The following DNM3 variants were observed in gnomAD, a reference collection of about 807,000 sequenced individuals.
The protein encoded by DNM3 is dynamin-3.
A neutral mutation model predicts 101.6 loss-of-function variants in DNM3; 47 were observed. The observed-to-expected ratio is 0.46, with a 90% CI of 0.37 to 0.59. DNM3 has a LOEUF of 0.59. Among genes scored for constraint, DNM3 ranks in the 20% least tolerant of loss-of-function variants. The pLI is 0.00. For missense variants in DNM3, 849 were observed against 1,085.7 expected, an observed-to-expected ratio of 0.78 and a Z score of 3.06; for synonymous variants, 385 against 387.9, an observed-to-expected ratio of 0.99 and a Z score of 0.09.
rs546138920 is a variant in DNM3, at chr1:172,364,770, C to T, written c.1894-14248C>T. 1.6e-4 allele frequency among the ~76,000 whole-genome samples: 24 copies of T among 151,926 alleles called. 1 individual carries two copies. Among genetic ancestry groups the T allele is most frequent in the African/African-American group, 3.9e-4 (16 of 41,500 alleles). ...CAGCATCATCTCCCCTTGGTACTGTCCTAGTGACAGTGAGTGAGTTCTTAT... is the reference window on the plus strand; with the variant it reads ...CAGCATCATCTCCCCTTGGTACTGTTCTAGTGACAGTGAGTGAGTTCTTAT... On this transcript the variant is annotated intron_variant, in intron 17 of 20. Transcript: ENST00000627582.
Position 172,408,369 on chromosome 1 carries a change from A to T in DNM3, c.*528A>T. On this transcript the variant is annotated 3_prime_UTR_variant, in exon 21 of 21. Transcript: ENST00000627582. ...TAAGACTGCTAGGAAGTGATTTTTTAAAATTAGGACTCCTTAAGAATAAAC... is the reference window on the plus strand; with the variant it reads ...TAAGACTGCTAGGAAGTGATTTTTTTAAATTAGGACTCCTTAAGAATAAAC... 1.0e-6 allele frequency: 1 copy of T among 986,368 alleles called. No homozygotes were observed. Among genetic ancestry groups the T allele is most frequent in the South Asian group, 4.7e-5 (1 of 21,346 alleles). 61.1% of individuals were successfully genotyped at this position (986,368 alleles called of 1,614,324 possible).
In DNM3 at chr1:172,388,802, G is replaced by A. The variant is rs1374260163; in HGVS notation, c.2515G>A (p.Val839Ile). Residue 839 changes from valine (V) to isoleucine (I), a missense_variant, in exon 20 of 21, where the codon GTC becomes ATC. Physicochemically the swap from Val to Ile is conservative, Grantham distance 29. This residue lies in a region of DNM3 where 256 missense variants were observed against 311.7 expected (regional missense o/e 0.82). Coordinates refer to ENST00000627582, the MANE Select transcript of DNM3 (RefSeq NM_015569.5). ...TAGGCCTACGAGGGCCCCGCCCAGT[G>A]TCCCAAGGTAAGGCATGGAGCAGAA... ...PSRPTRAPPS[V>I]PSRRPPPSPT... The A allele has an allele frequency of 6.3e-7, 1 of 1,578,834 alleles. No individual in the cohort carries two copies.
At chr1:172,159,395 C>T (rs1194205262) in intron 14 of DNM3, among the ~76,000 whole-genome samples, 3 of 151,940 alleles carry the variant, frequency 2.0e-5, no homozygotes, top group Admixed American at 1.3e-4. Context: ...CCAAGACTGC[C>T]GTGGTAAATA....
At chr1:171,939,950 C>T (rs1379647687) in intron 2 of DNM3, among the ~76,000 whole-genome samples, 3 of 152,102 alleles carry the variant, frequency 2.0e-5, no homozygotes, top group Non-Finnish European at 4.4e-5. Context: ...CATGCTTTAT[C>T]CTTCCTGCTG....
At chr1:171,902,018 C>T (rs774573109) in intron 1 of DNM3, among the ~76,000 whole-genome samples, 6 of 152,088 alleles carry the variant, frequency 3.9e-5, no homozygotes, top group Non-Finnish European at 8.8e-5. Flanking sequence ...ATTTCCATAG[C>T]ACATTTAAAA....
chr1:172,394,727 A>G (rs957113141), intron 20 of DNM3, among the ~76,000 whole-genome samples: 3 of 152,218 alleles, frequency 2.0e-5, no homozygotes, highest in Non-Finnish European at 4.4e-5. Context: ...CCAAGACAGG[A>G]GTCTGGCAGA....
chr1:172,017,479 T>C (rs964243724), intron 4 of DNM3, among the ~76,000 whole-genome samples: 1 of 152,210 alleles, frequency 6.6e-6, no homozygotes, highest in Non-Finnish European at 1.5e-5. Flanking sequence ...TATAGGTTAA[T>C]CTCCAAACAT....
At chr1:171,857,222 A>C (rs1026647776) in intron 1 of DNM3, among the ~76,000 whole-genome samples, 3 of 152,208 alleles carry the variant, frequency 2.0e-5, no homozygotes, top group African/African-American at 7.2e-5. Context: ...CCACATATTA[A>C]CTGGAGGATA....
chr1:172,243,121 T>C (rs1451043330), intron 14 of DNM3, among the ~76,000 whole-genome samples: 1 of 152,148 alleles, frequency 6.6e-6, no homozygotes, highest in African/African-American at 2.4e-5. Context: ...ATAAGTCCTT[T>C]AAATTTATTC....
chr1:171,907,937 A>G (rs1004551495), intron 1 of DNM3, among the ~76,000 whole-genome samples: 5 of 152,364 alleles, frequency 3.3e-5, no homozygotes, highest in African/African-American at 1.2e-4. Context: ...TATACTTATA[A>G]GTAGAATAGT....
chr1:171,866,163 A>G (rs2034723691), intron 1 of DNM3, among the ~76,000 whole-genome samples: 1 of 152,058 alleles, frequency 6.6e-6, no homozygotes, highest in Non-Finnish European at 1.5e-5. Context: ...AACTTATTTA[A>G]TAGCATCAGT....
intron 2 of DNM3, among the ~76,000 whole-genome samples, chr1:171,935,769 CTTTTT>C (rs551030808): frequency 2.1e-5 from 1 of 47,990 alleles, no homozygotes; most frequent in Non-Finnish European, 3.9e-5. Context: ...CAAATCAAAA[CTTTTT>C]TTTTTTTTTT....
intron 10 of DNM3, among the ~76,000 whole-genome samples, chr1:172,051,151 T>C (rs1018789829): frequency 6.6e-6 from 1 of 152,210 alleles, no homozygotes; most frequent in Admixed American, 6.5e-5. Flanking sequence ...AGGATATTTA[T>C]TCCAGCCTAA....
intron 14 of DNM3, among the ~76,000 whole-genome samples, chr1:172,226,135 C>A (rs1353067166): frequency 6.6e-6 from 1 of 151,986 alleles, no homozygotes; most frequent in East Asian, 1.9e-4. Flanking sequence ...AGGATAAATT[C>A]ATAGAAAAGA....
chr1:172,395,909 T>C (rs1449957890), intron 20 of DNM3, among the ~76,000 whole-genome samples: 1 of 152,218 alleles, frequency 6.6e-6, no homozygotes, highest in East Asian at 1.9e-4. Context: ...CTAGATTTGA[T>C]GATAGAATTT....
intron 4 of DNM3, among the ~76,000 whole-genome samples, chr1:172,012,005 T>C (rs2047159618): frequency 6.6e-6 from 1 of 152,050 alleles, no homozygotes; most frequent in African/African-American, 2.4e-5. Context: ...AACATGAATC[T>C]TCATCTTTCT....
chr1:171,905,375 A>G (rs1310578845), intron 1 of DNM3, among the ~76,000 whole-genome samples: 2 of 152,194 alleles, frequency 1.3e-5, no homozygotes, highest in Non-Finnish European at 2.9e-5. Context: ...TTGGCTTCTT[A>G]ATTTGTGATA....
chr1:172,369,861 G>A (rs1338920403), intron 17 of DNM3, among the ~76,000 whole-genome samples: 1 of 152,044 alleles, frequency 6.6e-6, no homozygotes, highest in Non-Finnish European at 1.5e-5. Flanking sequence ...GAAGGTAGAA[G>A]TCTGAGATCC....
intron 10 of DNM3, among the ~76,000 whole-genome samples, chr1:172,063,053 A>C (rs1398051248): frequency 6.6e-6 from 1 of 152,228 alleles, no homozygotes; most frequent in Non-Finnish European, 1.5e-5. Flanking sequence ...GGTTTGTAGC[A>C]AGCAGCCAGC....
Sources: allele counts gnomAD v4.1 joint callset (sites outside exome capture counted in the v4.1 genomes callset), GRCh38; gene constraint gnomAD v4.1.1; regional missense constraint gnomAD v4.1.1; transcripts MANE v1.5; gene names NCBI Gene and HGNC (gene_info 2026-07-23, HGNC 2026-07-21).